APP: variants seen among roughly 807,000 people sequenced by gnomAD.
APP encodes the protein amyloid beta precursor protein.
A neutral mutation model predicts 101.4 loss-of-function variants in APP; 31 were observed. That is an observed-to-expected ratio of 0.31 (90% CI 0.23 to 0.41). APP has a LOEUF of 0.41. APP is among the 10% of genes least tolerant of loss of function. APP has a pLI of 1.00. For missense variants in APP, 839 were observed against 1,003.7 expected, an observed-to-expected ratio of 0.84 and a Z score of 2.22; for synonymous variants, 366 against 364.4, an observed-to-expected ratio of 1.00 and a Z score of -0.05.
intron 2 of APP, among the ~76,000 whole-genome samples, chr21:26,090,780 A>G (rs1047806973): frequency 6.6e-6 from 1 of 152,256 alleles, no homozygotes; most frequent in Non-Finnish European, 1.5e-5. Context: ...GATATGACAC[A>G]TAGAAAGCTT....
intron 3 of APP, among the ~76,000 whole-genome samples, chr21:26,084,642 T>C (rs921775795): frequency 1.3e-5 from 2 of 152,224 alleles, no homozygotes; most frequent in African/African-American, 2.4e-5. Flanking sequence ...ATGTAAGCTC[T>C]TCCCATTCTT....
chr21:26,099,279 T>G (rs780723892), intron 2 of APP, among the ~76,000 whole-genome samples: 2 of 152,114 alleles, frequency 1.3e-5, no homozygotes, highest in Non-Finnish European at 2.9e-5. Context: ...GTTTCAGAGA[T>G]AGCCTATCTT....
intron 1 of APP, among the ~76,000 whole-genome samples, chr21:26,160,727 T>C (rs2063472226): frequency 6.6e-6 from 1 of 152,168 alleles, no homozygotes; most frequent in South Asian, 2.1e-4. Flanking sequence ...TTAATTCCAA[T>C]ACACATTTTC....
At chr21:26,037,011 T>G (rs1010944073) in intron 5 of APP, among the ~76,000 whole-genome samples, 4 of 152,292 alleles carry the variant, frequency 2.6e-5, no homozygotes, top group African/African-American at 9.6e-5. Flanking sequence ...CGTGCGTGCA[T>G]GCACGTATAA....
At chr21:26,159,734 A>G (rs921815836) in intron 1 of APP, among the ~76,000 whole-genome samples, 1 of 152,190 alleles carries the variant, frequency 6.6e-6, no homozygotes, top group Admixed American at 6.5e-5. Context: ...TTCTCATCTC[A>G]TCGGCTATTT....
At chr21:26,066,336 C>T (rs781773969) in intron 3 of APP, among the ~76,000 whole-genome samples, 2 of 152,224 alleles carry the variant, frequency 1.3e-5, no homozygotes, top group Non-Finnish European at 2.9e-5. Context: ...TCTTTGCTTA[C>T]CCACTTTTAA....
At chr21:26,085,652 GTTGTTGTTTACATAAATTCAA>G (rs1190255720) in intron 3 of APP, among the ~76,000 whole-genome samples, 2 of 152,166 alleles carry the variant, frequency 1.3e-5, no homozygotes, top group East Asian at 3.8e-4. Context: ...TCTCAAGAGA[GTTGTTGTTTACATAAATTCAA>G]AGAATTACCC....
At chr21:25,918,573 C>T (rs1261820124) in intron 13 of APP, among the ~76,000 whole-genome samples, 48 of 152,010 alleles carry the variant, frequency 3.2e-4, no homozygotes, top group Admixed American at 3.1e-3. Flanking sequence ...ACCTGGGAAG[C>T]GCAAGGGGTC....
intron 1 of APP, among the ~76,000 whole-genome samples, chr21:26,134,773 G>C (rs1162792449): frequency 6.6e-6 from 1 of 152,200 alleles, no homozygotes; most frequent in East Asian, 1.9e-4. Flanking sequence ...CCAGCCACCA[G>C]TCATCTCATT....
intron 5 of APP, among the ~76,000 whole-genome samples, chr21:26,044,918 T>G (rs2045539980): frequency 1.3e-5 from 2 of 152,340 alleles, no homozygotes; most frequent in South Asian, 2.1e-4. Flanking sequence ...ATATCATCAC[T>G]CAATATTATG....
At chr21:25,931,684 G>C (rs1005233849) in intron 13 of APP, among the ~76,000 whole-genome samples, 1 of 152,148 alleles carries the variant, frequency 6.6e-6, no homozygotes, top group African/African-American at 2.4e-5. Context: ...TTTTGGTGGC[G>C]GTATTTGGGA....
chr21:26,026,969 T>A (rs2044606558), intron 5 of APP, among the ~76,000 whole-genome samples: 1 of 152,240 alleles, frequency 6.6e-6, no homozygotes, highest in Admixed American at 6.5e-5. Context: ...AGAATCTCAG[T>A]ACCTTCTGCC....
intron 11 of APP, among the ~76,000 whole-genome samples, chr21:25,966,310 TTGCCCTTAGGAG>T (rs2048875255): frequency 6.6e-6 from 1 of 152,228 alleles, no homozygotes; most frequent in African/African-American, 2.4e-5. Context: ...GTTATTGGGT[TTGCCCTTAGGAG>T]TGCCCAAGCT....
intron 3 of APP, among the ~76,000 whole-genome samples, chr21:26,064,559 G>A (rs558511363): frequency 4.0e-4 from 60 of 151,894 alleles, no homozygotes; most frequent in Non-Finnish European, 8.1e-4. Flanking sequence ...GTCTCATAGG[G>A]TTTTACTGGG....
chr21:26,063,848 T>A (rs536975725), intron 3 of APP, among the ~76,000 whole-genome samples: 1 of 152,226 alleles, frequency 6.6e-6, no homozygotes, highest in Middle Eastern at 3.4e-3. Context: ...GCACATAAAG[T>A]GGGAAGAAGA....
chr21:25,980,701 G>T (rs1309797271), intron 9 of APP, among the ~76,000 whole-genome samples: 1 of 151,986 alleles, frequency 6.6e-6, no homozygotes, highest in Admixed American at 6.6e-5. Context: ...ACAAAAAACA[G>T]TACCTGTGTT....
At chr21:26,016,023 C>T (rs1049910412) in intron 6 of APP, among the ~76,000 whole-genome samples, 6 of 151,938 alleles carry the variant, frequency 3.9e-5, no homozygotes, top group South Asian at 2.1e-4. Context: ...TGTGGACCCC[C>T]GATCATTTTT....
intron 11 of APP, among the ~76,000 whole-genome samples, chr21:25,962,318 A>G (rs1449924483): frequency 6.6e-6 from 1 of 152,212 alleles, no homozygotes; most frequent in African/African-American, 2.4e-5. Flanking sequence ...GAGAAACATA[A>G]GATTTACATT....
At chr21:26,102,879 G>C (rs1458703471) in intron 2 of APP, among the ~76,000 whole-genome samples, 1 of 131,318 alleles carries the variant, frequency 7.6e-6, no homozygotes, top group Non-Finnish European at 1.6e-5. Context: ...GATGGAGTGG[G>C]ACTCTGTCTC....
Sources: allele counts gnomAD v4.1 joint callset (sites outside exome capture counted in the v4.1 genomes callset), GRCh38; gene constraint gnomAD v4.1.1; transcripts MANE v1.5; gene names NCBI Gene and HGNC (gene_info 2026-07-23, HGNC 2026-07-21).